CPNE4: variants seen among roughly 807,000 people sequenced by gnomAD.
The protein encoded by CPNE4 is copine-4.
In CPNE4, 25 loss-of-function variants were observed where a neutral mutation model predicts 67.9. The ratio of observed to expected loss-of-function variants is 0.37; its 90% CI spans 0.27 to 0.51. CPNE4 has a LOEUF of 0.51. CPNE4 is among the 20% of genes least tolerant of loss of function. CPNE4 has a pLI of 0.93. For missense variants in CPNE4, 464 were observed against 690.8 expected, an observed-to-expected ratio of 0.67 and a Z score of 3.68; for synonymous variants, 242 against 244.9, an observed-to-expected ratio of 0.99 and a Z score of 0.11.
At chr3:131,721,486 T>A (rs2081885949) in intron 3 of CPNE4, among the ~76,000 whole-genome samples, 1 of 150,450 alleles carries the variant, frequency 6.6e-6, no homozygotes, top group South Asian at 2.1e-4. Flanking sequence ...AGCTCCGCCT[T>A]CCGGGTTCAC....
intron 10 of CPNE4, among the ~76,000 whole-genome samples, chr3:131,572,092 A>G (rs1202932712): frequency 6.6e-6 from 1 of 152,062 alleles, no homozygotes; most frequent in Non-Finnish European, 1.5e-5. Context: ...TGAGCAGCTT[A>G]GCAGCTGAGG....
chr3:132,019,528 T>A (rs1025143701), intron 1 of CPNE4, among the ~76,000 whole-genome samples: 2 of 152,168 alleles, frequency 1.3e-5, no homozygotes, highest in African/African-American at 2.4e-5. Flanking sequence ...CATATAAAGA[T>A]CTACATATAC....
At chr3:131,848,131 G>A (rs2086076391) in intron 2 of CPNE4, among the ~76,000 whole-genome samples, 1 of 152,080 alleles carries the variant, frequency 6.6e-6, no homozygotes, top group Non-Finnish European at 1.5e-5. Flanking sequence ...CTTACGTAAG[G>A]GGAGCTTCTG....
intron 1 of CPNE4, among the ~76,000 whole-genome samples, chr3:131,938,511 T>G (rs1445906846): frequency 6.6e-6 from 1 of 152,130 alleles, no homozygotes; most frequent in Non-Finnish European, 1.5e-5. Context: ...ACTGGGTAAT[T>G]TATAAACAAA....
At chr3:132,003,807 G>A (rs1264747923) in intron 1 of CPNE4, among the ~76,000 whole-genome samples, 3 of 152,098 alleles carry the variant, frequency 2.0e-5, no homozygotes, top group Non-Finnish European at 4.4e-5. Flanking sequence ...CTTGATAGGA[G>A]GGAGCAATAT....
At chr3:131,712,409 T>A (rs531881271) in intron 3 of CPNE4, among the ~76,000 whole-genome samples, 2 of 152,318 alleles carry the variant, frequency 1.3e-5, no homozygotes, top group African/African-American at 2.4e-5. Context: ...ATATTTTTAA[T>A]CCCCTGTTGG....
intron 2 of CPNE4, among the ~76,000 whole-genome samples, chr3:131,779,966 A>G (rs540805182): frequency 4.2e-4 from 64 of 152,308 alleles, no homozygotes; most frequent in African/African-American, 1.5e-3. Context: ...TCCAGAATCT[A>G]TAAGAAACTT....
rs558684767 is a variant in CPNE4, at chr3:131,880,409, C to T, written c.180+24855G>A. ...GATTACAGGCGTGAGCCACCACCCCCGGCGGCATATGGTAGATATTTAACA... is the reference window on the plus strand; with the variant it reads ...GATTACAGGCGTGAGCCACCACCCCTGGCGGCATATGGTAGATATTTAACA... On this transcript the variant is annotated intron_variant, in intron 2 of 15. Transcript: ENST00000429747. Among the ~76,000 whole-genome samples, 33 of 152,290 alleles carry T rather than the reference C, an allele frequency of 2.2e-4. No homozygotes were observed. The South Asian group carries it at 3.3e-3, about 15-fold the overall frequency.
chr3:131,977,175 A>C (rs2072682731), intron 1 of CPNE4, among the ~76,000 whole-genome samples: 1 of 152,182 alleles, frequency 6.6e-6, no homozygotes, highest in Non-Finnish European at 1.5e-5. Flanking sequence ...GTAAAGATGA[A>C]AATCAAATAT....
chr3:132,032,184 T>C (rs190221513), intron 1 of CPNE4, among the ~76,000 whole-genome samples: 26 of 152,346 alleles, frequency 1.7e-4, no homozygotes, highest in Admixed American at 1.4e-3. Flanking sequence ...AGAGCAACTA[T>C]TTTCAAAGAA....
chr3:131,828,413 C>T (rs1468089061), intron 2 of CPNE4, among the ~76,000 whole-genome samples: 1 of 152,040 alleles, frequency 6.6e-6, no homozygotes, highest in East Asian at 1.9e-4. Context: ...TATTTGACTC[C>T]CATCAGTCAA....
chr3:131,995,835 C>G (rs1316439480), intron 1 of CPNE4, among the ~76,000 whole-genome samples: 1 of 152,156 alleles, frequency 6.6e-6, no homozygotes, highest in Non-Finnish European at 1.5e-5. Flanking sequence ...GTTTGTCAAC[C>G]AGATGATTTC....
chr3:131,821,040 A>G (rs1238253392), intron 2 of CPNE4, among the ~76,000 whole-genome samples: 1 of 152,112 alleles, frequency 6.6e-6, no homozygotes, highest in Non-Finnish European at 1.5e-5. Flanking sequence ...TTATGCCAAA[A>G]TCTTCCCACA....
intron 14 of CPNE4, among the ~76,000 whole-genome samples, chr3:131,544,170 C>T (rs964534507): frequency 6.6e-6 from 1 of 152,188 alleles, no homozygotes; most frequent in Non-Finnish European, 1.5e-5. Context: ...TATAATCCTG[C>T]AAGATGCCTA....
At chr3:131,619,382 CAG>C (rs1940340136) in intron 7 of CPNE4, among the ~76,000 whole-genome samples, 1 of 152,062 alleles carries the variant, frequency 6.6e-6, no homozygotes, top group Non-Finnish European at 1.5e-5. Context: ...GTGACATTTG[CAG>C]AGTCAGTCAG....
intron 4 of CPNE4, among the ~76,000 whole-genome samples, chr3:131,697,640 A>G (rs559324342): frequency 3.6e-4 from 55 of 152,326 alleles, no homozygotes; most frequent in African/African-American, 1.3e-3. Context: ...AGAGATTGTG[A>G]GTCCAGGTAT....
At chr3:131,740,630 G>T (rs1466055839) in intron 2 of CPNE4, among the ~76,000 whole-genome samples, 2 of 152,042 alleles carry the variant, frequency 1.3e-5, no homozygotes, top group Admixed American at 6.5e-5. Flanking sequence ...TCTTCTCTTG[G>T]ATTATTAGGA....
At chr3:131,563,067 T>C (rs1185923158) in intron 11 of CPNE4, among the ~76,000 whole-genome samples, 3 of 152,012 alleles carry the variant, frequency 2.0e-5, no homozygotes, top group African/African-American at 7.2e-5. Context: ...ACTGCACCTT[T>C]CCCATTGCCC....
chr3:131,822,743 T>C (rs1240562481), intron 2 of CPNE4, among the ~76,000 whole-genome samples: 1 of 152,220 alleles, frequency 6.6e-6, no homozygotes. Flanking sequence ...TCCTGTTTCA[T>C]ATATTTAAAC....
Sources: gnomAD v4.1 joint callset for allele counts (sites outside exome capture counted in the v4.1 genomes callset) on GRCh38, gnomAD v4.1.1 for gene constraint, MANE v1.5 for transcripts, NCBI Gene and HGNC (gene_info 2026-07-23, HGNC 2026-07-21) for gene names.